Variants in DNAH6 observed in about 807,000 individuals in gnomAD.
The protein encoded by DNAH6 is dynein axonemal heavy chain 6.
DNAH6 carries 340 observed loss-of-function variants against 491.4 expected under a neutral mutation model. The observed-to-expected ratio is 0.69, with a 90% CI of 0.63 to 0.76. The LOEUF is 0.76. DNAH6 is among the 30% of genes least tolerant of loss of function. The pLI is 0.00. For missense variants in DNAH6, 4,443 were observed against 4,972.2 expected (o/e 0.89, Z 3.20); for synonymous variants, 1,603 against 1,686.1 (o/e 0.95, Z 1.21).
chr2:84,484,484 C>T, the DNAH6 span, among the ~76,000 whole-genome samples: 1 of 152,212 alleles, frequency 6.6e-6, no homozygotes, highest in South Asian at 2.1e-4. Context: ...AAGATGTTAG[C>T]AAGGCCACTT....
chr2:84,779,475 T>C lies in DNAH6; in HGVS notation c.10704-2018T>C, dbSNP rs76824280. 1.7e-4 allele frequency among the ~76,000 whole-genome samples: 26 copies of C among 152,352 alleles called. No homozygotes were observed. In the East Asian group the frequency reaches 5.0e-3, roughly 29 times the overall value. ...GAATAGTCACTTCCTCTTCTCTTGT[T>C]TTCCTTTTGCATGATAGATCTTTCT... is the stretch of plus-strand genomic sequence containing the variant. On this transcript the variant is annotated intron_variant, in intron 64 of 76. Coordinates refer to ENST00000389394, the MANE Select transcript of DNAH6 (RefSeq NM_001370.2).
At chr2:84,468,937 TTTTG>T in the DNAH6 span, among the ~76,000 whole-genome samples, 1 of 152,182 alleles carries the variant, frequency 6.6e-6, no homozygotes, top group Admixed American at 6.5e-5. Context: ...CATCCGGTTT[TTTTG>T]TTTGTTTCAG....
intron 49 of DNAH6, among the ~76,000 whole-genome samples, chr2:84,701,935 C>T (rs535060273): frequency 7.2e-5 from 11 of 152,192 alleles, no homozygotes; most frequent in East Asian, 3.9e-4. Flanking sequence ...GGTCTGAGGG[C>T]CTTCTCCTTT....
intron 19 of DNAH6, 148 bp downstream of exon 19, chr2:84,604,699 A>T: frequency 1.5e-6 from 1 of 650,110 alleles, no homozygotes; most frequent in South Asian, 2.0e-5. Context: ...CTTACAACAG[A>T]TATTACTGTT....
At chr2:84,758,414 T>C (rs1674254181) in intron 63 of DNAH6, among the ~76,000 whole-genome samples, 1 of 152,128 alleles carries the variant, frequency 6.6e-6, no homozygotes, top group South Asian at 2.1e-4. Context: ...TTCTCTCTAA[T>C]ACATTCTATG....
At chr2:84,494,063 GT>G in the DNAH6 span, among the ~76,000 whole-genome samples, 4 of 152,180 alleles carry the variant, frequency 2.6e-5, no homozygotes, top group Non-Finnish European at 5.9e-5. Context: ...CAGCAGTTGC[GT>G]TTTGCAGGTT....
intron 18 of DNAH6, among the ~76,000 whole-genome samples, chr2:84,596,063 A>G (rs1684548294): frequency 1.3e-5 from 2 of 152,146 alleles, no homozygotes; most frequent in African/African-American, 4.8e-5. Context: ...TAGTTATGCT[A>G]AGATACTGAT....
At chr2:84,754,089 T>C (rs1331077959) in intron 63 of DNAH6, among the ~76,000 whole-genome samples, 1 of 152,172 alleles carries the variant, frequency 6.6e-6, no homozygotes, top group Non-Finnish European at 1.5e-5. Context: ...CCCAAAGTGC[T>C]GGGATTACAG....
At chr2:84,744,332 T>A (rs1672773287) in intron 62 of DNAH6, among the ~76,000 whole-genome samples, 2 of 152,262 alleles carry the variant, frequency 1.3e-5, no homozygotes, top group Admixed American at 6.5e-5. Flanking sequence ...TTATACCATA[T>A]GCATTCTGTA....
At chr2:84,699,932 T>C (rs566070617) in intron 48 of DNAH6, among the ~76,000 whole-genome samples, 198 bp downstream of exon 48, 11 of 147,368 alleles carry the variant, frequency 7.5e-5, no homozygotes, top group Non-Finnish European at 1.6e-4. Flanking sequence ...CCATTGAATT[T>C]AGCAATGTGG....
chr2:84,552,467 A>C (rs115530075), intron 9 of DNAH6, among the ~76,000 whole-genome samples: 42 of 152,294 alleles, frequency 2.8e-4, no homozygotes, highest in African/African-American at 1.0e-3. Context: ...TGAATTCATC[A>C]TTTGTATTTT....
chr2:84,667,252 T>C (rs1692227898), intron 37 of DNAH6, among the ~76,000 whole-genome samples: 1 of 151,992 alleles, frequency 6.6e-6, no homozygotes, highest in South Asian at 2.1e-4. Context: ...ACAAATGGGA[T>C]CTAATTAAAC....
intron 33 of DNAH6, among the ~76,000 whole-genome samples, chr2:84,646,857 T>C (rs1169724559): frequency 6.6e-6 from 1 of 152,194 alleles, no homozygotes; most frequent in Non-Finnish European, 1.5e-5. Context: ...ATTTTTTTGT[T>C]TGTTTGCTTT....
In DNAH6 at chr2:84,677,188, T is replaced by C. The variant is rs143764506; in HGVS notation, c.6744+52T>C. 7.1e-6 allele frequency: 11 copies of C among 1,548,194 alleles called. No individual in the cohort carries two copies. The African/African-American group carries it at 1.1e-4, about 15-fold the overall frequency. On this transcript the variant is annotated intron_variant, in intron 41 of 76. Transcript: ENST00000389394. ...CAGGAGGAAAAGAAAGCATATTTGT[T>C]CCAAGGCTCCCACAATCAAAGTGGT...
At chr2:84,600,444 A>G (rs746484158) in intron 18 of DNAH6, among the ~76,000 whole-genome samples, 80 of 152,062 alleles carry the variant, frequency 5.3e-4, no homozygotes, top group Non-Finnish European at 1.1e-3. Flanking sequence ...TTCTTTTTCC[A>G]TCCCAAGATT....
At chr2:84,498,794 C>T in the DNAH6 span, among the ~76,000 whole-genome samples, 3 of 152,140 alleles carry the variant, frequency 2.0e-5, no homozygotes, top group Non-Finnish European at 4.4e-5. Context: ...TCACCCCTCA[C>T]TGTCCCTTAG....
intron 26 of DNAH6, among the ~76,000 whole-genome samples, chr2:84,623,755 A>C (rs1482748485): frequency 6.6e-6 from 1 of 152,168 alleles, no homozygotes; most frequent in Non-Finnish European, 1.5e-5. Context: ...TTAAGGTAAA[A>C]CTCAAGTAAA....
At chr2:84,549,331 A>T (rs1679098111) in intron 8 of DNAH6, among the ~76,000 whole-genome samples, 1 of 152,220 alleles carries the variant, frequency 6.6e-6, no homozygotes, top group African/African-American at 2.4e-5. Flanking sequence ...ACCATAGTGG[A>T]CCTAGAAGTA....
chr2:84,774,047 C>A (rs1675893177), intron 64 of DNAH6, among the ~76,000 whole-genome samples: 1 of 151,960 alleles, frequency 6.6e-6, no homozygotes, highest in Admixed American at 6.6e-5. Flanking sequence ...TCTTTTTCTG[C>A]ACAAAAGGTC....
Sources: gnomAD v4.1 joint callset for allele counts (sites outside exome capture counted in the v4.1 genomes callset) on GRCh38, gnomAD v4.1.1 for gene constraint, MANE v1.5 for transcripts, NCBI Gene and HGNC (gene_info 2026-07-23, HGNC 2026-07-21) for gene names.